Variants in PLCB4 observed in about 807,000 individuals in gnomAD.
PLCB4 encodes the protein phospholipase C beta 4, also known as 1-phosphatidylinositol 4,5-bisphosphate phosphodiesterase beta-4.
Under a neutral mutation model 178.8 loss-of-function variants are expected in PLCB4, and 77 were observed. The ratio of observed to expected loss-of-function variants is 0.43; its 90% CI spans 0.36 to 0.52. PLCB4 has a LOEUF of 0.52. Among genes scored for constraint, PLCB4 ranks in the 20% least tolerant of loss-of-function variants. The pLI is 0.00. For synonymous variants in PLCB4, 496 were observed against 490.8 expected (o/e 1.01, Z -0.14); for missense variants, 1,024 against 1,453.4 (o/e 0.70, Z 4.80).
intron 7 of PLCB4, among the ~76,000 whole-genome samples, chr20:9,350,063 A>G (rs1027087340): frequency 6.6e-6 from 1 of 152,172 alleles, no homozygotes; most frequent in Non-Finnish European, 1.5e-5. Flanking sequence ...GGTGCAGGCC[A>G]TGGGCTGAAC....
intron 3 of PLCB4, among the ~76,000 whole-genome samples, chr20:9,286,504 A>G (rs2094537734): frequency 6.6e-6 from 1 of 152,020 alleles, no homozygotes; most frequent in Admixed American, 6.6e-5. Context: ...ATTGTCAAGA[A>G]TAGTTCAGGA....
Position 9,389,971 on chromosome 20 carries a change from A to C in PLCB4, c.1238+13A>C. 1 of 1,394,272 alleles carries C rather than the reference A, an allele frequency of 7.2e-7. No homozygotes were observed. The highest frequency in any genetic ancestry group is 1.0e-6 in the Non-Finnish European group (1 of 983,714). The allele number at this position is 1,394,272 out of a possible 1,614,324, so 86.4% of individuals were successfully genotyped here. A position where few individuals can be genotyped will look rare whatever the true frequency, so the allele number is the denominator to read the frequency against. ...AAAATCACTGCAGGTATAATGATCC[A>C]TTCTGCCACAAGTCTCTATGTGGTA... On this transcript the variant is annotated intron_variant, in intron 16 of 39. Coordinates refer to ENST00000378473, the MANE Select transcript of PLCB4 (RefSeq NM_001377142.1).
intron 2 of PLCB4, among the ~76,000 whole-genome samples, chr20:9,105,821 A>G (rs2091341690): frequency 6.6e-6 from 1 of 152,120 alleles, no homozygotes; most frequent in African/African-American, 2.4e-5. Flanking sequence ...GATCAAAATT[A>G]TACATATAAC....
chr20:9,430,632 A>G (rs1264155412), intron 28 of PLCB4, among the ~76,000 whole-genome samples: 3 of 152,250 alleles, frequency 2.0e-5, no homozygotes, highest in African/African-American at 7.2e-5. Context: ...AATCTTCAGC[A>G]GGCTCCGATT....
At chr20:9,217,521 G>A (rs897142375) in intron 3 of PLCB4, 69 bp downstream of exon 3, 3 of 152,222 alleles carry the variant, frequency 2.0e-5, no homozygotes, top group African/African-American at 7.2e-5. Flanking sequence ...TCTGTAAGAT[G>A]AATCCCTTCA....
intron 2 of PLCB4, among the ~76,000 whole-genome samples, chr20:9,126,414 CA>C (rs999324802): frequency 2.0e-5 from 3 of 152,120 alleles, no homozygotes; most frequent in Non-Finnish European, 4.4e-5. Context: ...CTTCATGACT[CA>C]ATTTGTTTTC....
At chr20:9,199,793 C>T (rs904658388) in intron 2 of PLCB4, among the ~76,000 whole-genome samples, 9 of 151,624 alleles carry the variant, frequency 5.9e-5, no homozygotes, top group African/African-American at 1.2e-4. Flanking sequence ...TTGCAGCATG[C>T]GAAATTTTTA....
At chr20:9,127,675 TATC>T (rs2092156321) in intron 2 of PLCB4, among the ~76,000 whole-genome samples, 1 of 122,978 alleles carries the variant, frequency 8.1e-6, no homozygotes, top group African/African-American at 2.9e-5. Flanking sequence ...TCTATCTATC[TATC>T]TATCTATCCA....
intron 25 of PLCB4, among the ~76,000 whole-genome samples, chr20:9,413,509 A>T (rs2040012210): frequency 6.6e-6 from 1 of 151,878 alleles, no homozygotes; most frequent in Non-Finnish European, 1.5e-5. Context: ...AATACAAAAA[A>T]TTAGCCGGGC....
intron 35 of PLCB4, among the ~76,000 whole-genome samples, chr20:9,460,982 T>C (rs1476388211): frequency 6.6e-6 from 1 of 152,228 alleles, no homozygotes; most frequent in Non-Finnish European, 1.5e-5. Flanking sequence ...CTTTTCTTTT[T>C]TCCTTAGAAA....
At chr20:9,307,484 A>T (rs1040276879) in intron 3 of PLCB4, among the ~76,000 whole-genome samples, 4 of 140,866 alleles carry the variant, frequency 2.8e-5, no homozygotes, top group African/African-American at 1.1e-4. Context: ...TTCAGATTTT[A>T]AAAAAAGAAT....
chr20:9,264,018 G>A (rs991159931), intron 3 of PLCB4, among the ~76,000 whole-genome samples: 15 of 151,958 alleles, frequency 9.9e-5, no homozygotes, highest in African/African-American at 2.9e-4. Context: ...CTTTAAAAAG[G>A]CATCTTTTCA....
chr20:9,210,873 A>G (rs868568814), intron 2 of PLCB4, among the ~76,000 whole-genome samples: 1 of 152,198 alleles, frequency 6.6e-6, no homozygotes, highest in Non-Finnish European at 1.5e-5. Context: ...TCACTGCCAT[A>G]TACTCAAACT....
In PLCB4 at chr20:9,473,239, C is replaced by CA. The variant is rs751372262; in HGVS notation, c.3409-37dup. 4.3e-4 allele frequency: 568 copies of CA among 1,319,844 alleles called. 2 individuals carry two copies. The highest frequency in any genetic ancestry group is 3.0e-3 in the Middle Eastern group (12 of 4,058). The allele number at this position is 1,319,844 out of a possible 1,614,324, so 81.8% of individuals were successfully genotyped here. ...TCATCCCTGTTTTAAGATTGTAACC[C>CA]AAAGTTCAATCAGAATTTTTTTTTT... On this transcript the variant is annotated intron_variant, in intron 37 of 39. Transcript: ENST00000378473.
At chr20:9,111,037 GT>G (rs1289631356) in intron 2 of PLCB4, among the ~76,000 whole-genome samples, 3 of 152,042 alleles carry the variant, frequency 2.0e-5, no homozygotes, top group South Asian at 4.1e-4. Flanking sequence ...ATGTTAATAG[GT>G]GTTCTGGGTC....
intron 3 of PLCB4, among the ~76,000 whole-genome samples, chr20:9,274,590 C>A (rs1386372266): frequency 6.6e-6 from 1 of 152,070 alleles, no homozygotes; most frequent in Non-Finnish European, 1.5e-5. Flanking sequence ...TTTATAATGG[C>A]AAATTCTATT....
At chr20:9,457,619 G>A in intron 34 of PLCB4, 130 bp downstream of exon 34, 1 of 636,524 alleles carries the variant, frequency 1.6e-6, no homozygotes, top group African/African-American at 1.8e-5. Context: ...GCTGATCTGG[G>A]ATGTCAGGGG....
intron 3 of PLCB4, among the ~76,000 whole-genome samples, chr20:9,283,727 C>T (rs2094514076): frequency 6.6e-6 from 1 of 151,830 alleles, no homozygotes; most frequent in South Asian, 2.1e-4. Flanking sequence ...TGTGTCTTAT[C>T]CACTATTGAA....
chr20:9,403,158 T>G (rs903630406), intron 20 of PLCB4, among the ~76,000 whole-genome samples: 18 of 152,180 alleles, frequency 1.2e-4, no homozygotes, highest in African/African-American at 4.1e-4. Flanking sequence ...CTTTTCATCT[T>G]TATCATTGTC....
Sources: allele counts gnomAD v4.1 joint callset (sites outside exome capture counted in the v4.1 genomes callset), GRCh38; gene constraint gnomAD v4.1.1; transcripts MANE v1.5; gene names NCBI Gene and HGNC (gene_info 2026-07-23, HGNC 2026-07-21).